GRIK4: variants seen among roughly 807,000 people sequenced by gnomAD.
GRIK4 encodes glutamate receptor ionotropic, kainate 4.
In GRIK4, 40 loss-of-function variants were observed where a neutral mutation model predicts 104.9. The ratio of observed to expected loss-of-function variants is 0.38; its 90% CI spans 0.30 to 0.50. GRIK4 has a LOEUF of 0.50. GRIK4 is among the 20% of genes least tolerant of loss of function. The probability of loss-of-function intolerance (pLI) is 0.93; values close to 1 mark genes in which losing one functional copy is unlikely to be tolerated. For missense variants in GRIK4, 1,047 were observed against 1,308.1 expected, an observed-to-expected ratio of 0.80 and a Z score of 3.08; for synonymous variants, 485 against 524.9, an observed-to-expected ratio of 0.92 and a Z score of 1.04.
At chr11:120,616,587 A>G (rs542616483) in intron 1 of GRIK4, among the ~76,000 whole-genome samples, 40 of 152,318 alleles carry the variant, frequency 2.6e-4, no homozygotes, top group Admixed American at 1.7e-3. Context: ...TGCTTTGGCC[A>G]TGGTGGCCAG....
At chr11:120,714,874 C>T (rs774169362) in intron 3 of GRIK4, among the ~76,000 whole-genome samples, 5 of 152,088 alleles carry the variant, frequency 3.3e-5, no homozygotes, top group African/African-American at 4.8e-5. Flanking sequence ...AAGGAGGGTT[C>T]GGCTTTAGCC....
chr11:120,746,600 C>G (rs567481418), intron 3 of GRIK4, among the ~76,000 whole-genome samples: 3 of 152,256 alleles, frequency 2.0e-5, no homozygotes, highest in Non-Finnish European at 2.9e-5. Context: ...GAGGAACTGT[C>G]CTAGGTAGCA....
chr11:120,527,667 C>T (rs558086965), intron 1 of GRIK4, among the ~76,000 whole-genome samples: 16 of 152,372 alleles, frequency 1.1e-4, no homozygotes, highest in Admixed American at 7.2e-4. Flanking sequence ...GACAGCCTCG[C>T]TCACACTAAG....
At chr11:120,936,870 G>A (rs1479638637) in intron 13 of GRIK4, among the ~76,000 whole-genome samples, 1 of 148,726 alleles carries the variant, frequency 6.7e-6, no homozygotes, top group African/African-American at 2.5e-5. Flanking sequence ...CTGCCCCCCA[G>A]GAGGCAGAGG....
At chr11:120,702,960 T>G (rs1413230911) in intron 3 of GRIK4, among the ~76,000 whole-genome samples, 3 of 152,112 alleles carry the variant, frequency 2.0e-5, no homozygotes, top group Non-Finnish European at 2.9e-5. Flanking sequence ...TTTAGGGGAG[T>G]ATTTGTAGTG....
chr11:120,758,382 CT>C (rs1413892601), intron 3 of GRIK4, among the ~76,000 whole-genome samples: 1 of 151,928 alleles, frequency 6.6e-6, no homozygotes, highest in Non-Finnish European at 1.5e-5. Context: ...ACTTTTTTTT[CT>C]TTTTTTCCAG....
At chr11:120,836,614 T>G (rs1434433746) in intron 7 of GRIK4, among the ~76,000 whole-genome samples, 177 bp from the exon 8 acceptor site, 4 of 152,194 alleles carry the variant, frequency 2.6e-5, no homozygotes, top group African/African-American at 9.7e-5. Context: ...GACCAGAATT[T>G]CTGTGCTCCA....
At chr11:120,624,539 C>T (rs536150889) in intron 1 of GRIK4, among the ~76,000 whole-genome samples, 1 of 152,260 alleles carries the variant, frequency 6.6e-6, no homozygotes, top group Admixed American at 6.5e-5. Flanking sequence ...CCTTGCTGGC[C>T]ACCCCTTGTT....
chr11:120,620,637 G>A (rs183226292), intron 1 of GRIK4, among the ~76,000 whole-genome samples: 88 of 152,172 alleles, frequency 5.8e-4, no homozygotes, highest in Middle Eastern at 3.4e-3. Context: ...ACCTGGCCCC[G>A]GAAAGCTTTT....
chr11:120,806,645 C>T (rs1047334746), intron 4 of GRIK4, among the ~76,000 whole-genome samples: 11 of 152,222 alleles, frequency 7.2e-5, no homozygotes, highest in Non-Finnish European at 1.2e-4. Context: ...TCCAACAGGG[C>T]ACAGTTGTGC....
chr11:120,570,165 C>T (rs961764894), intron 1 of GRIK4, among the ~76,000 whole-genome samples: 1 of 151,846 alleles, frequency 6.6e-6, no homozygotes, highest in Non-Finnish European at 1.5e-5. Context: ...CAGCTTGTCT[C>T]GTGGGGAACC....
intron 8 of GRIK4, among the ~76,000 whole-genome samples, chr11:120,842,241 G>T (rs908604581): frequency 6.6e-6 from 1 of 152,160 alleles, no homozygotes; most frequent in Non-Finnish European, 1.5e-5. Context: ...CATTCCATAA[G>T]GTTATTCAAG....
chr11:120,813,240 A>T (rs1403017007), intron 4 of GRIK4, among the ~76,000 whole-genome samples: 1 of 152,172 alleles, frequency 6.6e-6, no homozygotes, highest in African/African-American at 2.4e-5. Context: ...TCCAGATGCC[A>T]ACTCTGGCCT....
chr11:120,705,725 C>G (rs1425875388), intron 3 of GRIK4, among the ~76,000 whole-genome samples: 3 of 152,090 alleles, frequency 2.0e-5, no homozygotes, highest in Non-Finnish European at 4.4e-5. Context: ...AGTCTTTTAC[C>G]TCCTTAGTTA....
Position 120,748,702 on chromosome 11 carries a change from T to C in GRIK4, c.83-53991T>C, listed in dbSNP as rs181196893. ...ACCTAGTGACCATTCACAGTGGCAC[T>C]CAGCACCCAATCCCTCTGTAAAGCC... is the stretch of plus-strand genomic sequence containing the variant. On this transcript the variant is annotated intron_variant, in intron 3 of 20. Transcript: ENST00000527524. Among the ~76,000 whole-genome samples the C allele has an allele frequency of 3.0e-3, 456 of 152,316 alleles. 3 individuals carry two copies. Among genetic ancestry groups the C allele is most frequent in the African/African-American group, 0.01 (429 of 41,570 alleles).
intron 20 of GRIK4, among the ~76,000 whole-genome samples, chr11:120,982,671 A>C (rs2298723): frequency 0.37 from 55,880 of 152,078 alleles, 10,805 homozygotes; most frequent in Admixed American, 0.46. Flanking sequence ...AAGAAGGAAG[A>C]AGACTATGCC....
At chr11:120,929,094 C>A (rs1020793009) in intron 13 of GRIK4, among the ~76,000 whole-genome samples, 1 of 152,082 alleles carries the variant, frequency 6.6e-6, no homozygotes, top group Non-Finnish European at 1.5e-5. Flanking sequence ...TTCCTTTATT[C>A]CCTGATCTTT....
rs1944795856 is a variant in GRIK4 at position 120,988,586 on chromosome 11, C to T, written c.*2326C>T. On this transcript the variant is annotated 3_prime_UTR_variant, in exon 21 of 21. Transcript: ENST00000527524. ...AGCACTAGACGGTTTCTGTTAGCTG[C>T]TGAGACCAGGGCCTCACCTTGCTCA... is the stretch of plus-strand genomic sequence containing the variant. 1 of 152,166 alleles carries T rather than the reference C, an allele frequency of 6.6e-6. No individual in the cohort carries two copies. The highest frequency in any genetic ancestry group is 6.5e-5 in the Admixed American group (1 of 15,272). 9.4% of individuals were successfully genotyped at this position (152,166 alleles called of 1,614,324 possible).
chr11:120,822,572 A>G (rs1953155490), intron 6 of GRIK4, among the ~76,000 whole-genome samples: 1 of 152,226 alleles, frequency 6.6e-6, no homozygotes, highest in Admixed American at 6.5e-5. Context: ...AAAATTAAAT[A>G]AACTTAGAAA....
Sources: gnomAD v4.1 joint callset for allele counts (sites outside exome capture counted in the v4.1 genomes callset) on GRCh38, gnomAD v4.1.1 for gene constraint, MANE v1.5 for transcripts, NCBI Gene and HGNC (gene_info 2026-07-23, HGNC 2026-07-21) for gene names.